The following AOAH variants were observed in gnomAD, a reference collection of about 807,000 sequenced individuals.
The protein encoded by AOAH is acyloxyacyl hydrolase (neutrophil).
In AOAH, 64 loss-of-function variants were observed where a neutral mutation model predicts 92.2. The observed-to-expected ratio is 0.69, with a 90% CI of 0.57 to 0.86. The LOEUF is 0.86. Among genes scored for constraint, AOAH ranks in the 40% least tolerant of loss-of-function variants. AOAH has a pLI of 0.00. For missense variants in AOAH, 656 were observed against 694.6 expected (o/e 0.94, Z 0.62); for synonymous variants, 263 against 254.5 (o/e 1.03, Z -0.32).
At chr7:36,654,648 G>A (rs1015864005) in intron 4 of AOAH, among the ~76,000 whole-genome samples, 1 of 152,096 alleles carries the variant, frequency 6.6e-6, no homozygotes, top group Non-Finnish European at 1.5e-5. Flanking sequence ...TATCACAGGG[G>A]AGACTGCTTG....
chr7:36,621,146 G>A (rs999120239), intron 8 of AOAH, among the ~76,000 whole-genome samples: 1 of 152,208 alleles, frequency 6.6e-6, no homozygotes, highest in Admixed American at 6.5e-5. Context: ...GAACAAATCT[G>A]CATCCCATTG....
chr7:36,629,890 A>G (rs1205352846), intron 6 of AOAH, among the ~76,000 whole-genome samples: 6 of 152,238 alleles, frequency 3.9e-5, no homozygotes, highest in Admixed American at 3.9e-4. Context: ...AACCCCTGGT[A>G]TCTGCGAATG....
Position 36,587,139 on chromosome 7 carries a change from G to C in AOAH, c.938+7200C>G, listed in dbSNP as rs565182024. 1.2e-4 allele frequency among the ~76,000 whole-genome samples: 18 copies of C among 151,996 alleles called. No homozygotes were observed. The South Asian group carries it at 1.2e-3, about 11-fold the overall frequency. The stretch of plus-strand genomic sequence containing the variant: ...TACAAAAAATTAGATGGGTGTGGCA[G>C]CGTGTGCCTGTAGTCCCAGCTACTC... On this transcript the variant is annotated intron_variant, in intron 12 of 20. Coordinates refer to ENST00000617537, the MANE Select transcript of AOAH (RefSeq NM_001637.4).
chr7:36,517,268 CTT>C (rs58323286), intron 20 of AOAH, among the ~76,000 whole-genome samples: 1 of 5,886 alleles, frequency 1.7e-4, no homozygotes, highest in Admixed American at 0.011. Context: ...CTCTCTCTTT[CTT>C]TCTTTCTTTC....
intron 2 of AOAH, 146 bp from the exon 3 acceptor site, chr7:36,674,155 G>A: frequency 1.7e-6 from 1 of 591,700 alleles, no homozygotes; most frequent in Non-Finnish European, 2.9e-6. Flanking sequence ...AAATGTTTCA[G>A]CTAATGTATG....
At chr7:36,701,788 C>A (rs549705567) in intron 1 of AOAH, among the ~76,000 whole-genome samples, 2 of 151,914 alleles carry the variant, frequency 1.3e-5, no homozygotes, top group South Asian at 4.2e-4. Context: ...AGTTCATTCA[C>A]ATATAATGTC....
chr7:36,672,034 C>G (rs756274631), intron 3 of AOAH, among the ~76,000 whole-genome samples: 1 of 152,102 alleles, frequency 6.6e-6, no homozygotes, highest in Non-Finnish European at 1.5e-5. Context: ...GGGCAATGGG[C>G]AAGTTTGTAG....
At chr7:36,701,128 T>C (rs373744690) in intron 1 of AOAH, among the ~76,000 whole-genome samples, 2 of 152,010 alleles carry the variant, frequency 1.3e-5, no homozygotes, top group East Asian at 3.9e-4. Flanking sequence ...TTCCAAACTT[T>C]TTTCTATTGT....
intron 1 of AOAH, among the ~76,000 whole-genome samples, chr7:36,713,232 G>C (rs1256959735): frequency 4.6e-5 from 7 of 152,098 alleles, no homozygotes; most frequent in African/African-American, 1.4e-4. Context: ...AGACAAAGAA[G>C]GCCATTACTT....
chr7:36,712,977 A>G (rs1237460882), intron 1 of AOAH, among the ~76,000 whole-genome samples: 1 of 152,140 alleles, frequency 6.6e-6, no homozygotes, highest in Admixed American at 6.5e-5. Flanking sequence ...ATTCACACAT[A>G]ACAATATTAA....
At chr7:36,589,627 C>T (rs1789606384) in intron 12 of AOAH, among the ~76,000 whole-genome samples, 1 of 152,172 alleles carries the variant, frequency 6.6e-6, no homozygotes, top group African/African-American at 2.4e-5. Context: ...ATCATCTAGT[C>T]CAACTTAACT....
chr7:36,556,140 T>C (rs1461648581), intron 13 of AOAH, among the ~76,000 whole-genome samples: 4 of 152,228 alleles, frequency 2.6e-5, no homozygotes, highest in African/African-American at 9.6e-5. Context: ...AATTTCCCTC[T>C]ACACACTGCT....
At chr7:36,620,742 C>A in intron 9 of AOAH, 39 bp downstream of exon 9, 1 of 1,604,380 alleles carries the variant, frequency 6.2e-7, no homozygotes. Flanking sequence ...GAGGGAGGAA[C>A]AAAGGAGAAT....
intron 16 of AOAH, among the ~76,000 whole-genome samples, chr7:36,536,961 A>AAG (rs1414109594): frequency 6.7e-6 from 1 of 148,528 alleles, no homozygotes; most frequent in East Asian, 1.9e-4. Flanking sequence ...AAAAAAAAAA[A>AAG]AAAAAAAAAA....
intron 11 of AOAH, among the ~76,000 whole-genome samples, chr7:36,595,877 TA>T (rs1790070845): frequency 6.6e-6 from 1 of 152,220 alleles, no homozygotes; most frequent in Admixed American, 6.5e-5. Flanking sequence ...AGTCCTCCTT[TA>T]ATGCTATTTT....
intron 6 of AOAH, among the ~76,000 whole-genome samples, chr7:36,627,381 G>A (rs993980689): frequency 2.6e-5 from 4 of 152,254 alleles, no homozygotes; most frequent in Non-Finnish European, 4.4e-5. Flanking sequence ...TTCTTTCAAC[G>A]TAGCTCCGGG....
chr7:36,645,029 G>T (rs1226299695), intron 4 of AOAH, among the ~76,000 whole-genome samples: 1 of 152,080 alleles, frequency 6.6e-6, no homozygotes, highest in Non-Finnish European at 1.5e-5. Flanking sequence ...TTTTAAAATG[G>T]AGCAAGATTT....
chr7:36,706,280 T>A (rs1798403099), intron 1 of AOAH, among the ~76,000 whole-genome samples: 1 of 152,156 alleles, frequency 6.6e-6, no homozygotes, highest in Non-Finnish European at 1.5e-5. Context: ...CTGTACCTCT[T>A]CATCAGCGCT....
chr7:36,557,523 T>C (rs1461390867), intron 13 of AOAH, among the ~76,000 whole-genome samples: 6 of 152,150 alleles, frequency 3.9e-5, no homozygotes, highest in Admixed American at 3.9e-4. Context: ...TGAATCTGAA[T>C]GTTGGCCTGC....
Sources: allele counts gnomAD v4.1 joint callset (sites outside exome capture counted in the v4.1 genomes callset), GRCh38; gene constraint gnomAD v4.1.1; transcripts MANE v1.5; gene names NCBI Gene and HGNC (gene_info 2026-07-23, HGNC 2026-07-21).